HNRNPF: variants seen among roughly 807,000 people sequenced by gnomAD.
HNRNPF encodes HnRNP F protein.
A neutral mutation model predicts 26.0 loss-of-function variants in HNRNPF; 2 were observed. That is an observed-to-expected ratio of 0.08 (90% confidence interval 0.03 to 0.24). The LOEUF is 0.24. Among genes scored for constraint, HNRNPF ranks in the 10% least tolerant of loss-of-function variants. The pLI, the probability that HNRNPF is intolerant of heterozygous loss-of-function variation, is 1.00. For synonymous variants in HNRNPF, 234 were observed against 211.5 expected (o/e 1.11, Z -0.92); for missense variants, 299 against 539.2 (o/e 0.55, Z 4.41).
chr10:43,394,240 C>T, intron 3 of HNRNPF, among the ~76,000 whole-genome samples: 1 of 152,264 alleles, frequency 6.6e-6, no homozygotes, highest in South Asian at 2.1e-4. Context: ...GACATACAAG[C>T]AGCATAAAAA....
intron 1 of HNRNPF, among the ~76,000 whole-genome samples, chr10:43,400,211 A>G (rs1202525551): frequency 3.9e-5 from 6 of 151,926 alleles, no homozygotes; most frequent in Non-Finnish European, 7.4e-5. Flanking sequence ...AAACTGAGGG[A>G]AAAAAAAGAA....
At position 43,387,213 on chromosome 10, in the gene HNRNPF, C is replaced by T. The variant is rs754578681; in HGVS notation, c.672G>A (p.Lys224=). 6.2e-7 allele frequency: 1 copy of T among 1,614,236 alleles called. No homozygotes were observed. Among genetic ancestry groups the T allele is most frequent in the East Asian group, 2.2e-5 (1 of 44,884 alleles). ...GTARRYIGIV[K]QAGLERMRPG... ...GCCTCATCCTTTCCAGGCCTGCCTG[C>T]TTCACGATGCCAATGTACCTCCTGG... is the stretch of plus-strand genomic sequence containing the variant. The change falls in exon 4 of 4, where the codon AAG becomes AAA. Residue 224 remains lysine (K), a synonymous_variant. Coordinates refer to ENST00000682386, the MANE Select transcript of HNRNPF (RefSeq NM_001098204.2). The surrounding 1 kb of genome is among the most constrained non-coding windows in gnomAD (Gnocchi z 6.0).
intron 1 of HNRNPF, among the ~76,000 whole-genome samples, chr10:43,397,571 TCTAAAATGGAA>T (rs1838596695): frequency 1.3e-5 from 2 of 152,146 alleles, no homozygotes; most frequent in Admixed American, 6.5e-5. Context: ...GGAGGCCGCC[TCTAAAATGGAA>T]CTAGCGGACG....
chr10:43,408,444 A>C (rs1267812090), intron 1 of HNRNPF, among the ~76,000 whole-genome samples: 1 of 151,998 alleles, frequency 6.6e-6, no homozygotes, highest in Non-Finnish European at 1.5e-5. Flanking sequence ...CGTCACCCAA[A>C]TCTCAGCGCC....
chr10:43,390,037 T>A (rs1323800690), intron 3 of HNRNPF, among the ~76,000 whole-genome samples: 1 of 152,188 alleles, frequency 6.6e-6, no homozygotes. Flanking sequence ...TAGAAAGTAA[T>A]GGTCTCCGCC....
Position 43,386,951 on chromosome 10 carries a change from G to A in HNRNPF, c.934C>T (p.Leu312Phe). ...ENDIYNFFSPLNPVRVHIEIG... is the reference protein window; with the variant it reads ...ENDIYNFFSPFNPVRVHIEIG... ...TCAATATGGACTCTCACAGGGTTGA[G>A]AGGAGAGAAGAAGTTGTAAATGTCG... The change falls in exon 4 of 4, where the codon CTC (leucine) becomes TTC (phenylalanine). Residue 312 changes from leucine to phenylalanine, a missense_variant. Coordinates refer to ENST00000682386, the MANE Select transcript of HNRNPF (RefSeq NM_001098204.2). 6.2e-7 allele frequency: 1 copy of A among 1,614,220 alleles called. No individual in the cohort carries two copies. The highest frequency in any genetic ancestry group is 1.7e-5 in the Admixed American group (1 of 60,018).
At chr10:43,404,487 T>C (rs954821109) in intron 1 of HNRNPF, among the ~76,000 whole-genome samples, 4 of 152,092 alleles carry the variant, frequency 2.6e-5, no homozygotes, top group Non-Finnish European at 5.9e-5. Context: ...AAAGAGAAGA[T>C]ACCAACCAAT....
Position 43,403,330 on chromosome 10 carries a change from CT to C in HNRNPF, c.-247+5800del, listed in dbSNP as rs1435717189. Among the ~76,000 whole-genome samples, 6 of 152,158 alleles carry C rather than the reference CT, an allele frequency of 3.9e-5. No homozygotes were observed. The East Asian group carries it at 1.2e-3, about 29-fold the overall frequency. On this transcript the variant is annotated intron_variant, in intron 1 of 3. Transcript: ENST00000682386. ...CCAGCCTGTGTCATTTTCAAGAGATCTTTTTCCTAGCCCCAGCCCATATAGT... is the reference window on the plus strand; with the variant it reads ...CCAGCCTGTGTCATTTTCAAGAGATCTTTTCCTAGCCCCAGCCCATATAGT...
chr10:43,394,809 T>G (rs914453992), intron 2 of HNRNPF, 121 bp from the exon 3 acceptor site: 1 of 152,178 alleles, frequency 6.6e-6, no homozygotes, highest in Non-Finnish European at 1.5e-5. Context: ...CCCGTGGGTT[T>G]AAATTAAATC....
At chr10:43,401,703 T>C (rs1354236835) in intron 1 of HNRNPF, among the ~76,000 whole-genome samples, 1 of 152,170 alleles carries the variant, frequency 6.6e-6, no homozygotes, top group Non-Finnish European at 1.5e-5. Context: ...TGTACCTCTC[T>C]CCCTTGAGCA....
At chr10:43,405,721 T>G (rs1010201427) in intron 1 of HNRNPF, among the ~76,000 whole-genome samples, 2 of 152,184 alleles carry the variant, frequency 1.3e-5, no homozygotes, top group African/African-American at 4.8e-5. Context: ...TTGGAATGTA[T>G]TTTTAGGCAT....
intron 2 of HNRNPF, among the ~76,000 whole-genome samples, chr10:43,396,068 G>A (rs1347139734): frequency 6.6e-6 from 1 of 152,216 alleles, no homozygotes; most frequent in Non-Finnish European, 1.5e-5. Flanking sequence ...ACAGATCTGG[G>A]TGGGGGCTAA....
At chr10:43,388,078 T>A in intron 3 of HNRNPF, 142 bp from the exon 4 acceptor site, 1 of 555,876 alleles carries the variant, frequency 1.8e-6, no homozygotes, top group Non-Finnish European at 3.2e-6. Context: ...CTCAAAAAAT[T>A]ACATTATCAG....
intron 3 of HNRNPF, among the ~76,000 whole-genome samples, chr10:43,391,859 G>A (rs2131967758): frequency 6.6e-6 from 1 of 152,152 alleles, no homozygotes; most frequent in African/African-American, 2.4e-5. Flanking sequence ...TACCTCCCCT[G>A]TGCCAACTTT....
chr10:43,395,159 G>A (rs1838429455), intron 2 of HNRNPF, among the ~76,000 whole-genome samples: 1 of 152,090 alleles, frequency 6.6e-6, no homozygotes, highest in Admixed American at 6.6e-5. Context: ...GAGGGAGATG[G>A]GTGGGGGAGA....
chr10:43,394,365 G>A (rs772427858), intron 3 of HNRNPF, among the ~76,000 whole-genome samples: 3 of 152,208 alleles, frequency 2.0e-5, no homozygotes, highest in African/African-American at 7.2e-5. Flanking sequence ...AAGGCAAGGC[G>A]AAGAGACCAT....
chr10:43,404,478 A>G (rs139933236), intron 1 of HNRNPF, among the ~76,000 whole-genome samples: 1 of 152,174 alleles, frequency 6.6e-6, no homozygotes, highest in East Asian at 1.9e-4. Flanking sequence ...AACATGACAA[A>G]AGAGAAGATA....
chr10:43,392,195 G>C (rs1326378617), intron 3 of HNRNPF, among the ~76,000 whole-genome samples: 2 of 152,174 alleles, frequency 1.3e-5, no homozygotes, highest in Non-Finnish European at 2.9e-5. Context: ...TTTGAGGTCA[G>C]GAGTTCCAGA....
At chr10:43,399,699 G>A (rs116102141) in intron 1 of HNRNPF, among the ~76,000 whole-genome samples, 237 of 152,328 alleles carry the variant, frequency 1.6e-3, no homozygotes, top group African/African-American at 5.4e-3. Context: ...AGACTGGTGG[G>A]AGAAGAATGT....
Sources: gnomAD v4.1 joint callset for allele counts (sites outside exome capture counted in the v4.1 genomes callset) on GRCh38, gnomAD v4.1.1 for gene constraint, Gnocchi (gnomAD v3.1) non-coding constraint, MANE v1.5 for transcripts, NCBI Gene and HGNC (gene_info 2026-07-23, HGNC 2026-07-21) for gene names.